The following CTNNA2 variants were observed in gnomAD, a reference collection of about 807,000 sequenced individuals.
The protein encoded by CTNNA2 is catenin alpha 2.
Under a neutral mutation model 101.0 loss-of-function variants are expected in CTNNA2, and 42 were observed. The observed-to-expected ratio is 0.42, with a 90% CI of 0.32 to 0.54. The LOEUF (loss-of-function observed/expected upper bound fraction) is 0.54. Among genes scored for constraint, CTNNA2 ranks in the 20% least tolerant of loss-of-function variants. CTNNA2 has a pLI of 0.14. For missense variants in CTNNA2, 871 were observed against 1,223.1 expected (o/e 0.71, Z 4.29); for synonymous variants, 450 against 456.4 (o/e 0.99, Z 0.18).
intron 9 of CTNNA2, among the ~76,000 whole-genome samples, chr2:80,437,626 G>A (rs894070748): frequency 6.6e-6 from 1 of 152,164 alleles, no homozygotes; most frequent in African/African-American, 2.4e-5. Flanking sequence ...TCTGGCATTA[G>A]TTCTAAAGCT....
chr2:80,413,279 G>A (rs1197233557), intron 8 of CTNNA2, among the ~76,000 whole-genome samples: 1 of 152,148 alleles, frequency 6.6e-6, no homozygotes, highest in Admixed American at 6.5e-5. Flanking sequence ...GAAAAGCACA[G>A]GGCCTGATAG....
chr2:79,539,330 A>C (rs1673266146), intron 1 of CTNNA2, among the ~76,000 whole-genome samples: 1 of 152,204 alleles, frequency 6.6e-6, no homozygotes, highest in South Asian at 2.1e-4. Flanking sequence ...GAGCGTGTTT[A>C]GAAAGTGTGA....
At chr2:80,349,429 G>A (rs1453461241) in intron 7 of CTNNA2, among the ~76,000 whole-genome samples, 1 of 152,110 alleles carries the variant, frequency 6.6e-6, no homozygotes, top group African/African-American at 2.4e-5. Flanking sequence ...ACTTGATGCT[G>A]AAACCCTAGG....
intron 2 of CTNNA2, among the ~76,000 whole-genome samples, chr2:79,695,075 A>C (rs116145858): frequency 0.031 from 4,362 of 142,076 alleles, 84 homozygotes; most frequent in Admixed American, 0.044. Flanking sequence ...CTTTCACATT[A>C]CTTTTTTTTT....
intron 2 of CTNNA2, among the ~76,000 whole-genome samples, chr2:79,269,801 A>G (rs188260015): frequency 2.1e-3 from 314 of 152,208 alleles, no homozygotes; most frequent in Non-Finnish European, 3.6e-3. Context: ...CTAGAGGGCA[A>G]GAACTATATT....
chr2:80,115,767 T>A (rs556279661), intron 7 of CTNNA2, among the ~76,000 whole-genome samples: 2 of 152,098 alleles, frequency 1.3e-5, no homozygotes, highest in East Asian at 1.9e-4. Flanking sequence ...GTTCTGGGAA[T>A]GGAAAATAGT....
At chr2:79,994,759 G>C (rs1692427522) in intron 7 of CTNNA2, among the ~76,000 whole-genome samples, 1 of 151,794 alleles carries the variant, frequency 6.6e-6, no homozygotes, top group Non-Finnish European at 1.5e-5. Flanking sequence ...TTTTTATTTG[G>C]CACTCCGCAT....
intron 2 of CTNNA2, among the ~76,000 whole-genome samples, chr2:79,304,966 T>C (rs1573057225): frequency 6.6e-6 from 1 of 152,152 alleles, no homozygotes; most frequent in Non-Finnish European, 1.5e-5. Context: ...GAGATCTTCA[T>C]CTTTGTAGAG....
At chr2:80,127,672 G>A (rs1702211576) in intron 7 of CTNNA2, among the ~76,000 whole-genome samples, 1 of 152,188 alleles carries the variant, frequency 6.6e-6, no homozygotes, top group Non-Finnish European at 1.5e-5. Flanking sequence ...CTGCAAATTA[G>A]CAGTTAGGAT....
chr2:79,638,978 A>G (rs548542999), intron 1 of CTNNA2, among the ~76,000 whole-genome samples: 2 of 151,944 alleles, frequency 1.3e-5, no homozygotes, highest in African/African-American at 4.8e-5. Context: ...TGTTTCCTGC[A>G]TTTTTTCTGG....
chr2:80,367,428 G>GA (rs1675043111), intron 7 of CTNNA2, among the ~76,000 whole-genome samples: 1 of 152,044 alleles, frequency 6.6e-6, no homozygotes, highest in African/African-American at 2.4e-5. Context: ...GGAGGTGGGA[G>GA]AAAACGAATA....
chr2:80,476,982 A>C (rs752604263), intron 9 of CTNNA2, among the ~76,000 whole-genome samples: 1 of 152,204 alleles, frequency 6.6e-6, no homozygotes, highest in African/African-American at 2.4e-5. Context: ...AGCAAAAATC[A>C]TGCATTTCTC....
chr2:80,084,908 C>T (rs1484462), intron 7 of CTNNA2, among the ~76,000 whole-genome samples: 41,963 of 151,742 alleles, frequency 0.28, 6,465 homozygotes, highest in East Asian at 0.55. Context: ...TGAACTATGA[C>T]GAACAAAAGG....
intron 9 of CTNNA2, among the ~76,000 whole-genome samples, chr2:80,501,898 A>G (rs1461654388): frequency 6.6e-6 from 1 of 152,164 alleles, no homozygotes; most frequent in Non-Finnish European, 1.5e-5. Context: ...TGCATGGGGT[A>G]CCAGTACTGT....
intron 4 of CTNNA2, among the ~76,000 whole-genome samples, chr2:79,451,191 T>G (rs1296384402): frequency 6.6e-6 from 1 of 152,138 alleles, no homozygotes; most frequent in Non-Finnish European, 1.5e-5. Flanking sequence ...GGACTTACTA[T>G]GCTATGTTGT....
At chr2:80,184,641 G>C (rs1274520807) in intron 7 of CTNNA2, among the ~76,000 whole-genome samples, 5 of 152,120 alleles carry the variant, frequency 3.3e-5, no homozygotes, top group Non-Finnish European at 7.4e-5. Flanking sequence ...AGGATTTAGT[G>C]TGCAATGAAC....
At chr2:79,328,204 G>A (rs1277911097) in intron 3 of CTNNA2, among the ~76,000 whole-genome samples, 2 of 152,130 alleles carry the variant, frequency 1.3e-5, no homozygotes, top group Non-Finnish European at 2.9e-5. Flanking sequence ...AAAGGTAAAG[G>A]TGGAAGACAA....
At chr2:80,471,683 A>G (rs1299182106) in intron 9 of CTNNA2, among the ~76,000 whole-genome samples, 2 of 152,212 alleles carry the variant, frequency 1.3e-5, no homozygotes, top group Non-Finnish European at 2.9e-5. Flanking sequence ...GTCCTAGACT[A>G]TGAGGAATTT....
At chr2:80,402,506 A>G (rs1056253568) in intron 8 of CTNNA2, among the ~76,000 whole-genome samples, 5 of 152,082 alleles carry the variant, frequency 3.3e-5, no homozygotes, top group Admixed American at 6.6e-5. Context: ...AAATTGCCTC[A>G]TTAGAATAAA....
Sources: gnomAD v4.1 joint callset for allele counts (sites outside exome capture counted in the v4.1 genomes callset) on GRCh38, gnomAD v4.1.1 for gene constraint, MANE v1.5 for transcripts, NCBI Gene and HGNC (gene_info 2026-07-23, HGNC 2026-07-21) for gene names.